The following RELN variants were observed in gnomAD, a reference collection of about 807,000 sequenced individuals.
The protein encoded by RELN is reelin.
RELN carries 108 observed loss-of-function variants against 427.6 expected under a neutral mutation model. The observed-to-expected ratio is 0.25, with a 90% confidence interval of 0.22 to 0.30. The LOEUF is 0.30. Among genes scored for constraint, RELN ranks in the 10% least tolerant of loss-of-function variants. The pLI is 1.00. For missense variants in RELN, 3,715 were observed against 4,302.8 expected, an observed-to-expected ratio of 0.86 and a Z score of 3.82; for synonymous variants, 1,524 against 1,513.4, an observed-to-expected ratio of 1.01 and a Z score of -0.16.
chr7:103,476,770 A>T, intron 64 of RELN: 1 of 370,438 alleles, frequency 2.7e-6, no homozygotes. Context: ...TTTAACATTT[A>T]TCTTATATTT....
At chr7:103,755,966 G>C (rs1461815639) in intron 4 of RELN, among the ~76,000 whole-genome samples, 1 of 152,050 alleles carries the variant, frequency 6.6e-6, no homozygotes, top group Non-Finnish European at 1.5e-5. Flanking sequence ...TATTTCACAG[G>C]TTGTGAAATA....
intron 20 of RELN, among the ~76,000 whole-genome samples, chr7:103,628,882 A>G (rs1391739879): frequency 6.6e-6 from 1 of 152,224 alleles, no homozygotes; most frequent in Non-Finnish European, 1.5e-5. Context: ...GTTTAAGTCC[A>G]GGATCTCTGG....
intron 1 of RELN, among the ~76,000 whole-genome samples, chr7:103,960,827 G>T (rs555205729): frequency 6.6e-6 from 1 of 152,162 alleles, no homozygotes; most frequent in Non-Finnish European, 1.5e-5. Flanking sequence ...AAAAAATACT[G>T]CATCAACTAG....
intron 2 of RELN, among the ~76,000 whole-genome samples, chr7:103,848,062 CT>C (rs775675818): frequency 6.6e-6 from 1 of 152,154 alleles, no homozygotes; most frequent in Non-Finnish European, 1.5e-5. Flanking sequence ...AGGGATAATT[CT>C]TTTAGGTCAG....
rs143714753 is a variant in RELN at position 103,644,014 on chromosome 7, C to T, written c.2003-3405G>A. The stretch of plus-strand genomic sequence containing the variant: ...CCACTACACTAAGGATATCTATAAC[C>T]AATGAACTCATAGAGAGTCTTTGCC... On this transcript the variant is annotated intron_variant, in intron 16 of 64. Transcript: ENST00000428762. 6.8e-4 allele frequency among the ~76,000 whole-genome samples: 103 copies of T among 151,948 alleles called. No homozygotes were observed. In the East Asian group the frequency reaches 0.013, roughly 19 times the overall value.
At chr7:103,504,121 C>T (rs1180471388) in intron 51 of RELN, among the ~76,000 whole-genome samples, 1 of 152,092 alleles carries the variant, frequency 6.6e-6, no homozygotes, top group Non-Finnish European at 1.5e-5. Context: ...GGAGAATCGT[C>T]TGAACCCGGG....
chr7:103,769,777 G>A (rs764206263), intron 4 of RELN, among the ~76,000 whole-genome samples: 4 of 152,140 alleles, frequency 2.6e-5, no homozygotes, highest in Non-Finnish European at 4.4e-5. Context: ...CTCTGTGACC[G>A]TGATGAATCA....
At chr7:103,943,589 G>A (rs1796158775) in intron 1 of RELN, among the ~76,000 whole-genome samples, 2 of 151,996 alleles carry the variant, frequency 1.3e-5, no homozygotes, top group Admixed American at 6.6e-5. Context: ...GGTGGGTCCC[G>A]CCTGTAATCC....
intron 12 of RELN, among the ~76,000 whole-genome samples, chr7:103,659,945 G>A (rs1025087924): frequency 6.6e-6 from 1 of 151,812 alleles, no homozygotes; most frequent in African/African-American, 2.4e-5. Context: ...CTTTTACTTG[G>A]GATAATGTAC....
At chr7:103,749,601 T>A in intron 5 of RELN, 97 bp from the exon 6 acceptor site, 1 of 905,206 alleles carries the variant, frequency 1.1e-6, no homozygotes, top group Non-Finnish European at 1.8e-6. Flanking sequence ...AAGAATAATG[T>A]ATCCTAAAAC....
chr7:103,497,436 A>G (rs1207827443), intron 55 of RELN, among the ~76,000 whole-genome samples: 7 of 152,196 alleles, frequency 4.6e-5, no homozygotes, highest in East Asian at 3.8e-4. Context: ...GAAGATTTCC[A>G]TAGATTATAG....
chr7:103,707,798 C>T (rs1257745779), intron 8 of RELN, among the ~76,000 whole-genome samples: 1 of 152,008 alleles, frequency 6.6e-6, no homozygotes, highest in Non-Finnish European at 1.5e-5. Flanking sequence ...CGCCCGGCTG[C>T]AAATCTATTT....
chr7:103,740,868 A>G (rs586211), intron 6 of RELN, among the ~76,000 whole-genome samples: 33,131 of 151,942 alleles, frequency 0.22, 4,733 homozygotes, highest in African/African-American at 0.41. Flanking sequence ...TCCCAGGGGG[A>G]AAATATGCTC....
chr7:103,880,484 A>C (rs1406364700), intron 2 of RELN, among the ~76,000 whole-genome samples: 1 of 152,150 alleles, frequency 6.6e-6, no homozygotes, highest in Admixed American at 6.5e-5. Context: ...TCATTTGTCT[A>C]AATTCAGTGG....
chr7:103,517,441 T>G (rs1462009794), intron 49 of RELN, among the ~76,000 whole-genome samples: 1 of 152,210 alleles, frequency 6.6e-6, no homozygotes, highest in Non-Finnish European at 1.5e-5. Context: ...TCTAAATAAA[T>G]TATAACCACT....
At chr7:103,548,564 G>A (rs1460323355) in intron 41 of RELN, among the ~76,000 whole-genome samples, 3 of 152,188 alleles carry the variant, frequency 2.0e-5, no homozygotes, top group South Asian at 2.1e-4. Context: ...AGTTTGAAAC[G>A]TGGGTTTATA....
chr7:103,747,642 CTTTTT>C (rs541976561), intron 6 of RELN, among the ~76,000 whole-genome samples: 8 of 123,864 alleles, frequency 6.5e-5, no homozygotes, highest in East Asian at 4.7e-4. Context: ...CCTACTCTCA[CTTTTT>C]TTTTTTTTTT....
At chr7:103,611,246 A>G (rs1463225285) in intron 21 of RELN, among the ~76,000 whole-genome samples, 1 of 152,200 alleles carries the variant, frequency 6.6e-6, no homozygotes, top group African/African-American at 2.4e-5. Context: ...GAAATACCAC[A>G]TTCTTAATAT....
intron 8 of RELN, 74 bp from the exon 9 acceptor site, chr7:103,701,080 T>G: frequency 7.0e-6 from 6 of 863,088 alleles, no homozygotes; most frequent in South Asian, 6.9e-5. Flanking sequence ...CTGATAAATA[T>G]TTTAGATAAT....
Sources: gnomAD v4.1 joint callset for allele counts (sites outside exome capture counted in the v4.1 genomes callset) on GRCh38, gnomAD v4.1.1 for gene constraint, MANE v1.5 for transcripts, NCBI Gene and HGNC (gene_info 2026-07-23, HGNC 2026-07-21) for gene names.